FYB2: variants seen among roughly 807,000 people sequenced by gnomAD.
The protein encoded by FYB2 is FYN-binding protein 2.
FYB2 carries 103 observed loss-of-function variants against 94.1 expected under a neutral mutation model. The ratio of observed to expected loss-of-function variants is 1.09; its 90% CI spans 0.93 to 1.29. The LOEUF (loss-of-function observed/expected upper bound fraction) is 1.29, where lower values mean the gene tolerates loss of function less well. FYB2 is among the 50% of genes most tolerant of loss of function. The pLI is 0.00. For missense variants in FYB2, 896 were observed against 841.5 expected, an observed-to-expected ratio of 1.06 and a Z score of -0.80; for synonymous variants, 293 against 287.9, an observed-to-expected ratio of 1.02 and a Z score of -0.18.
At chr1:56,780,580 C>G (rs968014464) in intron 4 of FYB2, among the ~76,000 whole-genome samples, 1 of 152,236 alleles carries the variant, frequency 6.6e-6, no homozygotes, top group Non-Finnish European at 1.5e-5. Context: ...TCACCTGACT[C>G]TCCATGGTCA....
chr1:56,729,927 ACAAC>A (rs1644667553), intron 15 of FYB2, among the ~76,000 whole-genome samples: 1 of 152,136 alleles, frequency 6.6e-6, no homozygotes, highest in Non-Finnish European at 1.5e-5. Context: ...ATGCTCCTGA[ACAAC>A]CAATGGGTGA....
chr1:56,775,851 T>G (rs904061445), intron 4 of FYB2, among the ~76,000 whole-genome samples: 14 of 152,218 alleles, frequency 9.2e-5, no homozygotes, highest in African/African-American at 3.4e-4. Context: ...GTATGTCTGC[T>G]AGTGGTATAA....
intron 17 of FYB2, among the ~76,000 whole-genome samples, chr1:56,722,184 T>C (rs905731945): frequency 1.3e-5 from 2 of 152,104 alleles, no homozygotes; most frequent in Non-Finnish European, 2.9e-5. Context: ...TAATAACATA[T>C]CACAATTTCT....
At chr1:56,797,672 C>T (rs1258056895) in intron 1 of FYB2, among the ~76,000 whole-genome samples, 3 of 152,188 alleles carry the variant, frequency 2.0e-5, no homozygotes, top group Non-Finnish European at 4.4e-5. Flanking sequence ...TCGATGGATT[C>T]ACATAGGAAC....
chr1:56,774,620 A>T (rs946817830), intron 4 of FYB2, among the ~76,000 whole-genome samples: 1 of 152,118 alleles, frequency 6.6e-6, no homozygotes, highest in Non-Finnish European at 1.5e-5. Flanking sequence ...ACACGCATAC[A>T]CACAATCCTA....
At position 56,792,583 on chromosome 1, in the gene FYB2, T is replaced by C. The variant is rs762351332; in HGVS notation, c.230A>G (p.Gln77Arg). ...SSSESQPLQP[Q>R]KIKLAQKSEI... ...ACTCTTCTGAGCCAACTTTATTTTCTGAGGTTGAAGAGGCTGGGACTCACT... is the reference window on the plus strand; with the variant it reads ...ACTCTTCTGAGCCAACTTTATTTTCCGAGGTTGAAGAGGCTGGGACTCACT... The change falls in exon 2 of 20, where the codon CAG becomes CGG. Residue 77 changes from glutamine to arginine, a missense_variant. Coordinates refer to ENST00000343433, the MANE Select transcript of FYB2 (RefSeq NM_001004303.5). 54 of 1,614,006 alleles carry C rather than the reference T, an allele frequency of 3.3e-5. No individual in the cohort carries two copies. The highest frequency in any genetic ancestry group is 4.6e-5 in the Non-Finnish European group (54 of 1,180,006).
chr1:56,755,969 T>C, intron 6 of FYB2, 42 bp from the exon 7 acceptor site: 1 of 1,570,142 alleles, frequency 6.4e-7, no homozygotes, highest in Non-Finnish European at 8.8e-7. Flanking sequence ...TAAATCAACC[T>C]GAATCAGGCT....
At chr1:56,808,306 C>T (rs375185696) in intron 1 of FYB2, among the ~76,000 whole-genome samples, 3 of 152,212 alleles carry the variant, frequency 2.0e-5, no homozygotes, top group East Asian at 1.9e-4. Context: ...CTAGTATACT[C>T]CTACAGCCTC....
At chr1:56,719,787 A>G (rs1267353495) in intron 19 of FYB2, 95 bp from the exon 20 acceptor site, 3 of 1,210,524 alleles carry the variant, frequency 2.5e-6, no homozygotes, top group East Asian at 2.5e-5. Flanking sequence ...CTAGTTTAAT[A>G]TGTTTGTGTT....
intron 17 of FYB2, among the ~76,000 whole-genome samples, chr1:56,721,462 CCTTTA>C (rs1425979181): frequency 6.6e-6 from 1 of 152,040 alleles, no homozygotes; most frequent in African/African-American, 2.4e-5. Flanking sequence ...ACAGATTTTT[CCTTTA>C]CTTAAAGTAA....
chr1:56,788,705 G>A (rs1279425519), intron 3 of FYB2, among the ~76,000 whole-genome samples: 1 of 152,194 alleles, frequency 6.6e-6, no homozygotes, highest in Non-Finnish European at 1.5e-5. Context: ...CCTGCTCAGC[G>A]ACTTTCTGTT....
At chr1:56,736,308 A>T (rs1644828902) in intron 15 of FYB2, among the ~76,000 whole-genome samples, 1 of 152,124 alleles carries the variant, frequency 6.6e-6, no homozygotes, top group African/African-American at 2.4e-5. Flanking sequence ...AATTGCAGTG[A>T]GCAAGGAAAG....
intron 16 of FYB2, 80 bp downstream of exon 16, chr1:56,726,417 A>G (rs1036474429): frequency 7.8e-7 from 1 of 1,285,040 alleles, no homozygotes; most frequent in Non-Finnish European, 1.1e-6. Flanking sequence ...AAATTTCATT[A>G]CTTATCTGAG....
chr1:56,779,856 C>T (rs964598064), intron 4 of FYB2, among the ~76,000 whole-genome samples: 7 of 152,092 alleles, frequency 4.6e-5, no homozygotes, highest in South Asian at 2.1e-4. Context: ...GTCAGAATAA[C>T]GTAGCTGAAA....
intron 9 of FYB2, 139 bp downstream of exon 9, chr1:56,750,905 C>T (rs1490111057): frequency 1.0e-6 from 1 of 962,696 alleles, no homozygotes; most frequent in Non-Finnish European, 1.5e-6. Context: ...CACTACTGCA[C>T]AGCTTCCTCA....
intron 5 of FYB2, 26 bp downstream of exon 5, chr1:56,767,803 A>C: frequency 6.7e-7 from 1 of 1,490,772 alleles, no homozygotes; most frequent in Non-Finnish European, 9.3e-7. Context: ...ACAGGGTTAC[A>C]CTATTAATTG....
At chr1:56,789,603 C>T (rs1240921853) in intron 2 of FYB2, among the ~76,000 whole-genome samples, 1 of 152,194 alleles carries the variant, frequency 6.6e-6, no homozygotes, top group Non-Finnish European at 1.5e-5. Context: ...CCAATGACAC[C>T]TCCTCTAGAA....
intron 1 of FYB2, among the ~76,000 whole-genome samples, chr1:56,807,029 C>G (rs1372421678): frequency 1.3e-5 from 2 of 152,168 alleles, no homozygotes; most frequent in African/African-American, 4.8e-5. Flanking sequence ...CACACTCACT[C>G]AGCATTGCAA....
chr1:56,822,139 C>A (rs540881834), upstream of FYB2, among the ~76,000 whole-genome samples: 1 of 152,242 alleles, frequency 6.6e-6, no homozygotes, highest in East Asian at 1.9e-4. Context: ...CCAGACCTTG[C>A]GAGCATCATT....
Sources: allele counts gnomAD v4.1 joint callset (sites outside exome capture counted in the v4.1 genomes callset), GRCh38; gene constraint gnomAD v4.1.1; transcripts MANE v1.5; gene names NCBI Gene and HGNC (gene_info 2026-07-23, HGNC 2026-07-21).